CCDC30: variants seen among roughly 807,000 people sequenced by gnomAD.
CCDC30 encodes the protein coiled-coil domain-containing protein 30.
In CCDC30, 70 loss-of-function variants were observed where a neutral mutation model predicts 100.2. That is an observed-to-expected ratio of 0.70 (90% CI 0.58 to 0.85). CCDC30 has a LOEUF of 0.85. Among genes scored for constraint, CCDC30 ranks in the 40% least tolerant of loss-of-function variants. The probability of loss-of-function intolerance (pLI) is 0.00; values close to 1 mark genes in which losing one functional copy is unlikely to be tolerated. For missense variants in CCDC30, 652 were observed against 771.2 expected, an observed-to-expected ratio of 0.85 and a Z score of 1.83; for synonymous variants, 233 against 269.5, an observed-to-expected ratio of 0.86 and a Z score of 1.33.
chr1:42,505,802 C>T (rs1409458393), intron 6 of CCDC30, among the ~76,000 whole-genome samples: 1 of 152,264 alleles, frequency 6.6e-6, no homozygotes, highest in East Asian at 1.9e-4. Context: ...TTTTTACTGA[C>T]CATAGGTCAG....
chr1:42,496,940 A>G lies in CCDC30; in HGVS notation c.242-158A>G, dbSNP rs563674876. ...ATTCTAGGACTAGACTTGAGAGCCTAGTGGCTCTCCTGCACAGAGAGCCAG... is the reference window on the plus strand; with the variant it reads ...ATTCTAGGACTAGACTTGAGAGCCTGGTGGCTCTCCTGCACAGAGAGCCAG... On this transcript the variant is annotated intron_variant, in intron 4 of 16. Coordinates refer to ENST00000668663, the Ensembl canonical transcript of CCDC30. Among the ~76,000 whole-genome samples, 17 of 152,296 alleles carry G rather than the reference A, an allele frequency of 1.1e-4. No individual in the cohort carries two copies. The East Asian group carries it at 2.9e-3, about 26-fold the overall frequency.
chr1:42,523,352 G>C (rs1644676752), intron 6 of CCDC30, among the ~76,000 whole-genome samples: 1 of 152,120 alleles, frequency 6.6e-6, no homozygotes, highest in Admixed American at 6.5e-5. Context: ...GACCAGTTTT[G>C]CCAGATATAG....
At chr1:42,637,543 A>G (rs920922131) in intron 12 of CCDC30, among the ~76,000 whole-genome samples, 165 bp downstream of exon 16, 3 of 152,226 alleles carry the variant, frequency 2.0e-5, no homozygotes, top group Non-Finnish European at 2.9e-5. Flanking sequence ...AGCCCTGACC[A>G]AAAGTACATA....
intron 6 of CCDC30, among the ~76,000 whole-genome samples, chr1:42,512,773 C>T (rs995520088): frequency 1.3e-5 from 2 of 152,120 alleles, no homozygotes. Context: ...CCTCACTCAG[C>T]CCCATGCGGT....
At chr1:42,522,638 A>T (rs766998969) in intron 6 of CCDC30, among the ~76,000 whole-genome samples, 1 of 152,200 alleles carries the variant, frequency 6.6e-6, no homozygotes, top group African/African-American at 2.4e-5. Flanking sequence ...AGCCATCACT[A>T]TCCCTTTCAG....
chr1:42,583,802 A>C (rs1646015326), intron 9 of CCDC30, among the ~76,000 whole-genome samples: 1 of 152,194 alleles, frequency 6.6e-6, no homozygotes, highest in Non-Finnish European at 1.5e-5. Flanking sequence ...TAGAGCTTGA[A>C]GTCTGCAGGG....
downstream of CCDC30, among the ~76,000 whole-genome samples, chr1:42,655,478 CAG>C (rs1375344535): frequency 1.3e-5 from 2 of 152,050 alleles, no homozygotes; most frequent in Admixed American, 1.3e-4. Context: ...ACCCGAGAGG[CAG>C]AGGTTGCAGT....
At chr1:42,477,635 G>A (rs1189451275) in intron 1 of CCDC30, among the ~76,000 whole-genome samples, 1 of 152,214 alleles carries the variant, frequency 6.6e-6, no homozygotes, top group East Asian at 1.9e-4. Flanking sequence ...GTAAGCCTCA[G>A]TTTGTAAATC....
Position 42,596,594 on chromosome 1 carries a change from T to C in CCDC30, c.1164+7111T>C, listed in dbSNP as rs1646292536. Among the ~76,000 whole-genome samples, 1 of 151,982 alleles carries C rather than the reference T, an allele frequency of 6.6e-6. No individual in the cohort carries two copies. The highest frequency in any genetic ancestry group is 1.5e-5 in the Non-Finnish European group (1 of 68,012). On this transcript the variant is annotated intron_variant, in intron 10 of 16. Transcript: ENST00000668663. The surrounding 1 kb of genome is among the most constrained non-coding windows in gnomAD (Gnocchi z 4.3). ...CACAGGCTTACTAAAAGACTGTACC[T>C]AATCATAGAGCTATAGAATGCCACC...
At chr1:42,514,484 G>A (rs1472383757) in intron 6 of CCDC30, among the ~76,000 whole-genome samples, 5 of 152,158 alleles carry the variant, frequency 3.3e-5, no homozygotes, top group Admixed American at 6.6e-5. Flanking sequence ...TTTCCTGAAT[G>A]ACTAATGATA....
chr1:42,546,012 A>G (rs1373267001), intron 6 of CCDC30, among the ~76,000 whole-genome samples: 2 of 151,914 alleles, frequency 1.3e-5, no homozygotes, highest in East Asian at 3.9e-4. Flanking sequence ...AAAATTAGTT[A>G]TAAGCATTCT....
chr1:42,505,496 A>G (rs917903208), intron 6 of CCDC30, among the ~76,000 whole-genome samples: 2 of 152,180 alleles, frequency 1.3e-5, no homozygotes, highest in African/African-American at 4.8e-5. Flanking sequence ...TTTTCTCTCT[A>G]GTCCTCATTT....
At chr1:42,550,006 T>C (rs536313431) in intron 6 of CCDC30, among the ~76,000 whole-genome samples, 3 of 152,364 alleles carry the variant, frequency 2.0e-5, no homozygotes, top group Admixed American at 6.5e-5. Flanking sequence ...ATGTTGACTT[T>C]CTGTCTCCTT....
chr1:42,589,511 A>G (rs958767868), intron 10 of CCDC30, 28 bp downstream of exon 14: 2 of 1,590,120 alleles, frequency 1.3e-6, no homozygotes, highest in Non-Finnish European at 1.7e-6. Flanking sequence ...CATGCTTCTC[A>G]GTTTTCCTAT....
At chr1:42,498,883 T>G (rs1644266653) in exon 6 of CCDC30, 8 of 1,233,774 alleles carry the variant, frequency 6.5e-6, no homozygotes, top group African/African-American at 1.6e-5. Flanking sequence ...ACCACTCCCC[T>G]GGAAAAACTG....
At chr1:42,587,087 T>A (rs535755508) in intron 9 of CCDC30, among the ~76,000 whole-genome samples, 88 of 152,270 alleles carry the variant, frequency 5.8e-4, no homozygotes, top group African/African-American at 2.0e-3. Flanking sequence ...AGCCTTGACC[T>A]CCCAGGCTCA....
intron 4 of CCDC30, 22 bp downstream of exon 4, chr1:42,490,251 G>A (rs898167356): frequency 1.8e-6 from 2 of 1,084,228 alleles, no homozygotes; most frequent in Non-Finnish European, 2.3e-6. Context: ...TAGAAGATAT[G>A]ATGATTATTA....
chr1:42,571,516 A>C (rs1479490857), intron 7 of CCDC30: 1 of 152,114 alleles, frequency 6.6e-6, no homozygotes, highest in African/African-American at 2.4e-5. Context: ...CCAGAAGGTG[A>C]GCTGGTTTAG....
At position 42,609,048 on chromosome 1, in the gene CCDC30, C is replaced by CA. The variant is rs1646565209; in HGVS notation, c.1165-1924dup. On this transcript the variant is annotated intron_variant, in intron 10 of 16. Transcript: ENST00000668663. The stretch of plus-strand genomic sequence containing the variant: ...AAATATTTTTAGGGAAATGAAAAAG[C>CA]AAAAAAGTCAAATTACAGTGTATTT... Among the ~76,000 whole-genome samples the CA allele has an allele frequency of 2.0e-5, 3 of 151,960 alleles. 1 individual carries two copies. The South Asian group carries it at 6.2e-4, about 32-fold the overall frequency.
Sources: gnomAD v4.1 joint callset for allele counts (sites outside exome capture counted in the v4.1 genomes callset) on GRCh38, gnomAD v4.1.1 for gene constraint, Gnocchi (gnomAD v3.1) non-coding constraint, MANE v1.5 for transcripts, NCBI Gene and HGNC (gene_info 2026-07-23, HGNC 2026-07-21) for gene names.